Variants in CMTM7 observed in about 807,000 individuals in gnomAD.
CMTM7 encodes CKLF-like MARVEL transmembrane domain-containing protein 7.
CMTM7 carries 7 observed loss-of-function variants against 19.3 expected under a neutral mutation model. The ratio of observed to expected loss-of-function variants is 0.36; its 90% CI spans 0.21 to 0.68. CMTM7 has a LOEUF of 0.68. CMTM7 is among the 30% of genes least tolerant of loss of function. CMTM7 has a pLI of 0.60. For missense variants in CMTM7, 193 were observed against 232.6 expected, an observed-to-expected ratio of 0.83 and a Z score of 1.11; for synonymous variants, 87 against 99.3, an observed-to-expected ratio of 0.88 and a Z score of 0.74.
chr3:32,431,711 G>A (rs572076037), intron 1 of CMTM7, among the ~76,000 whole-genome samples: 33 of 152,300 alleles, frequency 2.2e-4, no homozygotes, highest in Admixed American at 7.2e-4. Flanking sequence ...GCAGGCCAGG[G>A]TCCCAGGCCT....
chr3:32,426,233 A>G (rs1459775294), intron 1 of CMTM7, among the ~76,000 whole-genome samples: 1 of 152,180 alleles, frequency 6.6e-6, no homozygotes, highest in Non-Finnish European at 1.5e-5. Flanking sequence ...CTGAGTTAAA[A>G]CTAGAGCTAA....
In CMTM7 at chr3:32,449,190, C is replaced by G. The variant is rs1481623061; in HGVS notation, c.334-264C>G. On this transcript the variant is annotated intron_variant, in intron 2 of 4. Transcript: ENST00000334983. This position sits in a 1 kb window ranked among gnomAD's most constrained non-coding sequence, Gnocchi z 4.5. Reference sequence around the variant, plus strand: ...GTAGAGGAGTCCTTAGTGGCTATCTCTGCTCACACCAGAAGCTTCCTTTCT... The same window carrying G: ...GTAGAGGAGTCCTTAGTGGCTATCTGTGCTCACACCAGAAGCTTCCTTTCT... 6.6e-6 allele frequency among the ~76,000 whole-genome samples: 1 copy of G among 152,204 alleles called. No individual in the cohort carries two copies. The highest frequency in any genetic ancestry group is 1.5e-5 in the Non-Finnish European group (1 of 68,036).
intron 1 of CMTM7, among the ~76,000 whole-genome samples, chr3:32,429,898 C>T (rs1226530746): frequency 6.6e-6 from 1 of 152,080 alleles, no homozygotes; most frequent in Non-Finnish European, 1.5e-5. Flanking sequence ...TGCGCCCAGC[C>T]GAGCAGTGTA....
chr3:32,407,267 G>T (rs1696103205), intron 1 of CMTM7, among the ~76,000 whole-genome samples: 2 of 152,148 alleles, frequency 1.3e-5, no homozygotes, highest in South Asian at 4.1e-4. Flanking sequence ...TGCCATGCCA[G>T]GCAGCTGCCT....
At chr3:32,405,716 A>C (rs555105940) in intron 1 of CMTM7, among the ~76,000 whole-genome samples, 1 of 152,304 alleles carries the variant, frequency 6.6e-6, no homozygotes, top group East Asian at 1.9e-4. Flanking sequence ...GATCTATGCC[A>C]CTGCACTTCA....
At chr3:32,445,369 A>T (rs1169975540) in intron 2 of CMTM7, among the ~76,000 whole-genome samples, 1 of 152,212 alleles carries the variant, frequency 6.6e-6, no homozygotes, top group Non-Finnish European at 1.5e-5. Flanking sequence ...CCCTTTATCA[A>T]GTTGAAGTTC....
chr3:32,418,212 G>A (rs1359769546), intron 1 of CMTM7, among the ~76,000 whole-genome samples: 1 of 152,182 alleles, frequency 6.6e-6, no homozygotes, highest in Non-Finnish European at 1.5e-5. Context: ...CCTCTTTGGT[G>A]AAGTATCTAT....
chr3:32,392,644 C>T (rs576245861), intron 1 of CMTM7, among the ~76,000 whole-genome samples: 8 of 152,322 alleles, frequency 5.3e-5, no homozygotes, highest in Non-Finnish European at 1.0e-4. Context: ...TGGTCCCCTG[C>T]GCCCTCAAGT....
intron 1 of CMTM7, among the ~76,000 whole-genome samples, chr3:32,397,683 G>A (rs534331605): frequency 3.3e-5 from 5 of 151,812 alleles, no homozygotes; most frequent in South Asian, 2.1e-4. Context: ...GCGGTGAGCC[G>A]AGATCGCAGC....
intron 1 of CMTM7, among the ~76,000 whole-genome samples, chr3:32,425,873 T>C (rs1401238108): frequency 1.3e-5 from 2 of 152,082 alleles, no homozygotes; most frequent in Admixed American, 6.5e-5. Context: ...TGGCTGGGTG[T>C]GGTGGCTCAC....
chr3:32,454,183 G>C, intron 4 of CMTM7, 58 bp from the exon 5 acceptor site: 4 of 1,550,152 alleles, frequency 2.6e-6, no homozygotes, highest in Non-Finnish European at 2.6e-6. Flanking sequence ...TGTGGAGTGT[G>C]GCTTGTGGGT....
At chr3:32,404,595 T>C (rs1696063263) in intron 1 of CMTM7, among the ~76,000 whole-genome samples, 2 of 152,250 alleles carry the variant, frequency 1.3e-5, no homozygotes, top group African/African-American at 2.4e-5. Context: ...AGCCAGCATT[T>C]GAACCCAGGT....
intron 3 of CMTM7, chr3:32,451,834 G>A (rs1230440835): frequency 1.5e-5 from 5 of 341,718 alleles, no homozygotes; most frequent in Non-Finnish European, 2.8e-5. Flanking sequence ...CCTGAGAAAG[G>A]GAAAGGGTGC....
chr3:32,445,087 CTAATA>C (rs1330917478), intron 2 of CMTM7, among the ~76,000 whole-genome samples: 8 of 152,254 alleles, frequency 5.3e-5, no homozygotes, highest in African/African-American at 1.9e-4. Context: ...CTTAGTAGTT[CTAATA>C]TATTTTTCTA....
At chr3:32,399,966 G>C (rs1440906061) in intron 1 of CMTM7, among the ~76,000 whole-genome samples, 1 of 152,192 alleles carries the variant, frequency 6.6e-6, no homozygotes, top group Non-Finnish European at 1.5e-5. Context: ...TCTTCCCCAA[G>C]ATTAAAAAGT....
intron 1 of CMTM7, among the ~76,000 whole-genome samples, chr3:32,403,523 T>G (rs879384599): frequency 1.3e-5 from 2 of 152,152 alleles, no homozygotes; most frequent in African/African-American, 4.8e-5. Flanking sequence ...GGCTAGGTGT[T>G]TTTTATATGT....
chr3:32,420,507 A>G (rs1286915022), intron 1 of CMTM7, among the ~76,000 whole-genome samples: 2 of 152,220 alleles, frequency 1.3e-5, no homozygotes, highest in Non-Finnish European at 2.9e-5. Context: ...GCAAAGGAGA[A>G]TGCAGGCAGC....
intron 1 of CMTM7, among the ~76,000 whole-genome samples, chr3:32,416,620 G>C (rs1244888384): frequency 1.3e-5 from 2 of 151,722 alleles, no homozygotes; most frequent in Admixed American, 1.3e-4. Context: ...TTGATCTCCT[G>C]ACCTCATGAT....
intron 1 of CMTM7, among the ~76,000 whole-genome samples, chr3:32,425,059 A>G (rs1019591125): frequency 3.9e-5 from 6 of 152,304 alleles, no homozygotes; most frequent in African/African-American, 7.2e-5. Context: ...TTGCAGCCAG[A>G]TGGAAAGGAC....
Sources: allele counts gnomAD v4.1 joint callset (sites outside exome capture counted in the v4.1 genomes callset), GRCh38; gene constraint gnomAD v4.1.1; non-coding constraint Gnocchi (gnomAD v3.1); transcripts MANE v1.5; gene names NCBI Gene and HGNC (gene_info 2026-07-23, HGNC 2026-07-21).